Variants in WSCD1 observed in about 807,000 individuals in gnomAD.
The protein encoded by WSCD1 is sialate:O-sulfotransferase 1.
A neutral mutation model predicts 60.4 loss-of-function variants in WSCD1; 41 were observed. That is an observed-to-expected ratio of 0.68 (90% CI 0.53 to 0.88). WSCD1 has a LOEUF of 0.88. WSCD1 is among the 40% of genes least tolerant of loss of function. The pLI is 0.00. For synonymous variants in WSCD1, 361 were observed against 332.5 expected (o/e 1.09, Z -0.93); for missense variants, 784 against 796.2 (o/e 0.98, Z 0.18).
chr17:6,115,985 G>C (rs1036104451), intron 7 of WSCD1, among the ~76,000 whole-genome samples: 2 of 152,144 alleles, frequency 1.3e-5, no homozygotes, highest in Non-Finnish European at 2.9e-5. Flanking sequence ...TCCCAAGCTT[G>C]GGATTGGGCT....
chr17:6,094,175 A>G (rs571101419), intron 4 of WSCD1, among the ~76,000 whole-genome samples: 3 of 152,350 alleles, frequency 2.0e-5, no homozygotes, highest in South Asian at 2.1e-4. Context: ...GTGCAAGAAC[A>G]TTCCAGAAAG....
chr17:6,084,461 C>T (rs560598129), intron 2 of WSCD1, among the ~76,000 whole-genome samples: 10 of 152,342 alleles, frequency 6.6e-5, no homozygotes, highest in South Asian at 4.1e-4. Context: ...TCAAACAAAG[C>T]GGGTGTCTCT....
rs1456919266 is a variant in WSCD1, at chr17:6,110,666, A to G, written c.1010-105A>G. 22 of 1,417,324 alleles carry G rather than the reference A, an allele frequency of 1.6e-5. No individual in the cohort carries two copies. Among genetic ancestry groups the G allele is most frequent in the Non-Finnish European group, 1.9e-5 (20 of 1,044,792 alleles). 87.8% of individuals were successfully genotyped at this position (1,417,324 alleles called of 1,614,324 possible). ...TCTTTGGGCCTTGGTTCCCCCATCTATTAAATGGGAGTCTTCGTTCATCAG... is the reference window on the plus strand; with the variant it reads ...TCTTTGGGCCTTGGTTCCCCCATCTGTTAAATGGGAGTCTTCGTTCATCAG... On this transcript the variant is annotated intron_variant, in intron 6 of 8. Coordinates refer to ENST00000317744, the MANE Select transcript of WSCD1 (RefSeq NM_015253.2). This position sits in a 1 kb window ranked among gnomAD's most constrained non-coding sequence, Gnocchi z 4.8.
chr17:6,088,159 G>T, intron 3 of WSCD1, 55 bp downstream of exon 3: 1 of 1,483,642 alleles, frequency 6.7e-7, no homozygotes, highest in Non-Finnish European at 9.4e-7. Context: ...TCCAGGGACA[G>T]TTCCAGAATG....
chr17:6,105,355 CT>C (rs1343619186), intron 5 of WSCD1, among the ~76,000 whole-genome samples: 1 of 152,206 alleles, frequency 6.6e-6, no homozygotes, highest in African/African-American at 2.4e-5. Context: ...TTCTCACTTT[CT>C]TTTTTTGCCT....
rs61690560 is a variant in WSCD1 at position 6,086,250 on chromosome 17, CATATATAT to C, written c.428-1722_428-1715del. Among the ~76,000 whole-genome samples, 343 of 98,242 alleles carry C rather than the reference CATATATAT, an allele frequency of 3.5e-3. 23 individuals are homozygous for C. The highest frequency in any genetic ancestry group is 0.012 in the African/African-American group (281 of 23,042). 64.5% of individuals were successfully genotyped at this position (98,242 alleles called of 152,430 possible). On this transcript the variant is annotated intron_variant, in intron 2 of 8. Coordinates refer to ENST00000317744, the MANE Select transcript of WSCD1 (RefSeq NM_015253.2). ...GCAGTCAGTAAGACCGTCCTGACTT[CATATATAT>C]ATATATATATATATATACTTATGTA...
At position 6,118,255 on chromosome 17, in the gene WSCD1, A is replaced by G. The variant is rs796648553; in HGVS notation, c.1375+67A>G. Reference sequence around the variant, plus strand: ...ACAGGTAGGTTGCTCATCAGGATGCAGGATCAATTTACACAGGTAGGCACT... The same window carrying G: ...ACAGGTAGGTTGCTCATCAGGATGCGGGATCAATTTACACAGGTAGGCACT... On this transcript the variant is annotated intron_variant, in intron 8 of 8. Transcript: ENST00000317744. This position sits in a 1 kb window ranked among gnomAD's most constrained non-coding sequence, Gnocchi z 5.8. The G allele has an allele frequency of 6.5e-6, 10 of 1,538,026 alleles. No homozygotes were observed. The African/African-American group carries it at 1.4e-4, about 21-fold the overall frequency.
upstream of WSCD1, chr17:6,069,341 G>A (rs1403365876): frequency 2.5e-6 from 1 of 397,244 alleles, no homozygotes; most frequent in Non-Finnish European, 4.4e-6. Flanking sequence ...TTAAAGAGGG[G>A]GATTGTGTAT....
chr17:6,105,896 A>G (rs1374337769), intron 5 of WSCD1, among the ~76,000 whole-genome samples: 1 of 152,178 alleles, frequency 6.6e-6, no homozygotes, highest in Non-Finnish European at 1.5e-5. Flanking sequence ...TTGCTTAGAG[A>G]TAGCGGCTTT....
At position 6,087,603 on chromosome 17, in the gene WSCD1, C is replaced by T. The variant is rs114204513; in HGVS notation, c.428-387C>T. Among the ~76,000 whole-genome samples, 157 of 152,294 alleles carry T rather than the reference C, an allele frequency of 1.0e-3. 1 individual carries two copies. The highest frequency in any genetic ancestry group is 3.5e-3 in the African/African-American group (145 of 41,568). ...CGACCCTGTCTCTCAGGGCATTTGCCAAGGTAGAGAGGCCTCTCTGAGCCC... is the reference window on the plus strand; with the variant it reads ...CGACCCTGTCTCTCAGGGCATTTGCTAAGGTAGAGAGGCCTCTCTGAGCCC... On this transcript the variant is annotated intron_variant, in intron 2 of 8. Transcript: ENST00000317744.
At position 6,080,799 on chromosome 17, in the gene WSCD1, G is replaced by A. The variant is rs753420039; in HGVS notation, c.141G>A (p.Arg47=). 1 of 1,609,998 alleles carries A rather than the reference G, an allele frequency of 6.2e-7. No individual in the cohort carries two copies. Residue 47 remains arginine, a synonymous_variant, in exon 2 of 9, where the codon CGG becomes CGA. Coordinates refer to ENST00000317744, the MANE Select transcript of WSCD1 (RefSeq NM_015253.2). The surrounding 1 kb of genome is among the most constrained non-coding windows in gnomAD (Gnocchi z 6.6). ...RVRVALPQGP[R]APGPLQTLPV... ...GCGTGGCTCTCCCACAGGGCCCCCGGGCACCCGGCCCCCTGCAGACCTTGC... is the reference window on the plus strand; with the variant it reads ...GCGTGGCTCTCCCACAGGGCCCCCGAGCACCCGGCCCCCTGCAGACCTTGC...
chr17:6,079,195 C>T (rs943297947), intron 1 of WSCD1, among the ~76,000 whole-genome samples: 1 of 152,216 alleles, frequency 6.6e-6, no homozygotes, highest in Admixed American at 6.5e-5. Flanking sequence ...CAAACATTGT[C>T]CTTCCTCTCA....
intron 3 of WSCD1, among the ~76,000 whole-genome samples, chr17:6,089,079 G>C (rs1312464893): frequency 6.6e-6 from 1 of 152,178 alleles, no homozygotes; most frequent in African/African-American, 2.4e-5. Flanking sequence ...ACCACACCCG[G>C]CCTCACCTTT....
intron 8 of WSCD1, among the ~76,000 whole-genome samples, chr17:6,119,932 C>T (rs554531220): frequency 4.6e-5 from 7 of 152,316 alleles, no homozygotes; most frequent in East Asian, 1.9e-4. Context: ...TGCAAAAGTC[C>T]GAGGCCACCC....
At chr17:6,076,405 C>T (rs1395167290) in intron 1 of WSCD1, among the ~76,000 whole-genome samples, 1 of 152,160 alleles carries the variant, frequency 6.6e-6, no homozygotes, top group African/African-American at 2.4e-5. Context: ...AGAGTGGGAT[C>T]CTGGGTGCAC....
chr17:6,108,115 C>G (rs952319337), intron 5 of WSCD1, among the ~76,000 whole-genome samples: 6 of 152,286 alleles, frequency 3.9e-5, no homozygotes, highest in African/African-American at 1.4e-4. Flanking sequence ...TTTCCCCTGA[C>G]TCCCTCCAAA....
intron 5 of WSCD1, among the ~76,000 whole-genome samples, chr17:6,103,979 G>A (rs905189490): frequency 6.6e-6 from 1 of 152,184 alleles, no homozygotes; most frequent in African/African-American, 2.4e-5. Context: ...GAATACCTGA[G>A]GCTGAGTAAT....
At chr17:6,099,612 TC>T (rs766798756) in intron 5 of WSCD1, among the ~76,000 whole-genome samples, 16 of 152,190 alleles carry the variant, frequency 1.1e-4, no homozygotes, top group Non-Finnish European at 2.2e-4. Flanking sequence ...CATGGCCACC[TC>T]CAGATAACAC....
intron 3 of WSCD1, among the ~76,000 whole-genome samples, chr17:6,088,333 T>G (rs1909796106): frequency 6.6e-6 from 1 of 151,180 alleles, no homozygotes; most frequent in Admixed American, 6.6e-5. Context: ...ACCGCCTGGG[T>G]GCTGGGAGTT....
Sources: gnomAD v4.1 joint callset for allele counts (sites outside exome capture counted in the v4.1 genomes callset) on GRCh38, gnomAD v4.1.1 for gene constraint, Gnocchi (gnomAD v3.1) non-coding constraint, MANE v1.5 for transcripts, NCBI Gene and HGNC (gene_info 2026-07-23, HGNC 2026-07-21) for gene names.